SNX4: variants seen among roughly 807,000 people sequenced by gnomAD.
SNX4 encodes the protein sorting nexin-4.
In SNX4, 49 loss-of-function variants were observed where a neutral mutation model predicts 70.8. The ratio of observed to expected loss-of-function variants is 0.69; its 90% CI spans 0.55 to 0.88. The LOEUF (loss-of-function observed/expected upper bound fraction) is 0.88, where lower values mean the gene tolerates loss of function less well. Ranked by LOEUF, SNX4 falls within the 40% of genes least tolerant of loss-of-function variation. The probability of loss-of-function intolerance (pLI) is 0.00; values close to 1 mark genes in which losing one functional copy is unlikely to be tolerated. For missense variants in SNX4, 528 were observed against 544.8 expected (o/e 0.97, Z 0.31); for synonymous variants, 206 against 183.8 (o/e 1.12, Z -0.98).
intron 10 of SNX4, among the ~76,000 whole-genome samples, chr3:125,459,361 C>A (rs1436970447): frequency 6.6e-6 from 1 of 152,134 alleles, no homozygotes; most frequent in Non-Finnish European, 1.5e-5. Flanking sequence ...TGGCTATACA[C>A]CCTGGCCATC....
At chr3:125,510,683 GTA>G (rs1329382500) in intron 1 of SNX4, among the ~76,000 whole-genome samples, 2 of 152,152 alleles carry the variant, frequency 1.3e-5, no homozygotes, top group Non-Finnish European at 2.9e-5. Flanking sequence ...GACAAATACT[GTA>G]TGATTCCCTG....
chr3:125,454,530 G>A (rs1579971733), intron 11 of SNX4, among the ~76,000 whole-genome samples: 1 of 152,256 alleles, frequency 6.6e-6, no homozygotes, highest in Non-Finnish European at 1.5e-5. Flanking sequence ...AAAGGTTGGC[G>A]ACTGCTGATT....
chr3:125,460,902 C>T (rs1430685683), intron 9 of SNX4, 42 bp from the exon 10 acceptor site: 4 of 976,430 alleles, frequency 4.1e-6, no homozygotes, highest in East Asian at 2.6e-5. Flanking sequence ...GAGTTACTTT[C>T]ATTGGAATAC....
intron 1 of SNX4, among the ~76,000 whole-genome samples, chr3:125,518,762 G>A (rs1013803981): frequency 2.0e-5 from 3 of 152,010 alleles, no homozygotes; most frequent in African/African-American, 4.8e-5. Context: ...CAGCACCTTG[G>A]GAGGCCGAGG....
chr3:125,480,842 C>T (rs1004319385), intron 6 of SNX4, among the ~76,000 whole-genome samples: 2 of 152,184 alleles, frequency 1.3e-5, no homozygotes, highest in Non-Finnish European at 2.9e-5. Flanking sequence ...TGCCAATCAA[C>T]TTACACACTT....
At chr3:125,479,553 T>C (rs1296727470) in intron 7 of SNX4, among the ~76,000 whole-genome samples, 1 of 148,238 alleles carries the variant, frequency 6.7e-6, no homozygotes, top group Non-Finnish European at 1.5e-5. Flanking sequence ...AGACTCCATC[T>C]CAAAATAATA....
chr3:125,448,669 C>CTTTT (rs921502028), intron 13 of SNX4, among the ~76,000 whole-genome samples: 89 of 95,346 alleles, frequency 9.3e-4, no homozygotes, highest in African/African-American at 2.4e-3. Flanking sequence ...GGGTTTTTTC[C>CTTTT]TTTTTTTTTT....
intron 2 of SNX4, among the ~76,000 whole-genome samples, 171 bp from the exon 3 acceptor site, chr3:125,498,365 G>A (rs188614037): frequency 5.9e-5 from 9 of 152,200 alleles, no homozygotes; most frequent in Admixed American, 3.3e-4. Flanking sequence ...TGTCGCTCAG[G>A]TTGGAGTGCA....
At chr3:125,473,330 T>C (rs1934219935) in intron 8 of SNX4, among the ~76,000 whole-genome samples, 1 of 152,154 alleles carries the variant, frequency 6.6e-6, no homozygotes, top group Non-Finnish European at 1.5e-5. Flanking sequence ...CACTAGGACA[T>C]AACATCATAC....
At chr3:125,450,653 C>T (rs189614666) in intron 13 of SNX4, among the ~76,000 whole-genome samples, 26 of 152,262 alleles carry the variant, frequency 1.7e-4, no homozygotes, top group African/African-American at 4.6e-4. Flanking sequence ...CTTAAACCAA[C>T]GTTTTAGAAA....
At chr3:125,461,679 T>G (rs79551346) in intron 9 of SNX4, among the ~76,000 whole-genome samples, 1 of 151,924 alleles carries the variant, frequency 6.6e-6, no homozygotes, top group Non-Finnish European at 1.5e-5. Context: ...TTTTTTTTTT[T>G]GAGACGGAGT....
chr3:125,510,146 A>G (rs1935139389), intron 1 of SNX4, among the ~76,000 whole-genome samples: 1 of 152,202 alleles, frequency 6.6e-6, no homozygotes. Flanking sequence ...TCTCAAAGAG[A>G]TATTTGCATA....
chr3:125,506,413 T>A (rs1935044566), intron 1 of SNX4, among the ~76,000 whole-genome samples: 1 of 150,992 alleles, frequency 6.6e-6, no homozygotes. Flanking sequence ...CAATCTCAAT[T>A]CAGCGCAACC....
chr3:125,502,538 C>A (rs1176210741), intron 2 of SNX4, among the ~76,000 whole-genome samples: 1 of 151,950 alleles, frequency 6.6e-6, no homozygotes, highest in Admixed American at 6.6e-5. Flanking sequence ...ACAGGTAAAG[C>A]CTATGAAAAT....
chr3:125,519,982 C>G, intron 1 of SNX4, 50 bp downstream of exon 1: 1 of 1,488,086 alleles, frequency 6.7e-7, no homozygotes. Flanking sequence ...CAGCCCGGCC[C>G]GCTAGGCCAC....
chr3:125,498,291 T>C (rs1488020187), intron 2 of SNX4, 97 bp from the exon 3 acceptor site: 4 of 1,136,034 alleles, frequency 3.5e-6, no homozygotes. Flanking sequence ...AGAATGATTA[T>C]GAACCAGGCA....
intron 13 of SNX4, among the ~76,000 whole-genome samples, chr3:125,448,669 CTTTTTTTTTTTT>C (rs921502028): frequency 2.2e-4 from 21 of 95,374 alleles, no homozygotes; most frequent in Non-Finnish European, 3.3e-4. Flanking sequence ...GGGTTTTTTC[CTTTTTTTTTTTT>C]TTTTTTTTTT....
At position 125,482,891 on chromosome 3, in the gene SNX4, A is replaced by G. The variant is rs1259346768; in HGVS notation, c.654-2572T>C. 1.3e-5 allele frequency among the ~76,000 whole-genome samples: 2 copies of G among 152,178 alleles called. 1 individual carries two copies. Among genetic ancestry groups the G allele is most frequent in the Middle Eastern group, 6.3e-3 (2 of 316 alleles). ...AGATTGGCTCCCAATTAAGTAGAGTACAAATCTCCCTTTATATCCAAGATG... is the reference window on the plus strand; with the variant it reads ...AGATTGGCTCCCAATTAAGTAGAGTGCAAATCTCCCTTTATATCCAAGATG... On this transcript the variant is annotated intron_variant, in intron 6 of 13. Coordinates refer to ENST00000251775, the MANE Select transcript of SNX4 (RefSeq NM_003794.4).
chr3:125,480,343 A>T, intron 6 of SNX4, 24 bp from the exon 7 acceptor site: 1 of 1,438,094 alleles, frequency 7.0e-7, no homozygotes, highest in Non-Finnish European at 9.3e-7. Flanking sequence ...CAAATAAAAC[A>T]TCGTTTTTCA....
Sources: gnomAD v4.1 joint callset for allele counts (sites outside exome capture counted in the v4.1 genomes callset) on GRCh38, gnomAD v4.1.1 for gene constraint, MANE v1.5 for transcripts, NCBI Gene and HGNC (gene_info 2026-07-23, HGNC 2026-07-21) for gene names.